Variants in TMOD1 observed in about 807,000 individuals in gnomAD.
The protein encoded by TMOD1 is tropomodulin 1.
In TMOD1, 17 loss-of-function variants were observed where a neutral mutation model predicts 40.6. The observed-to-expected ratio is 0.42, with a 90% CI of 0.29 to 0.63. The LOEUF (loss-of-function observed/expected upper bound fraction) is 0.63, where lower values mean the gene tolerates loss of function less well. Among genes scored for constraint, TMOD1 ranks in the 20% least tolerant of loss-of-function variants. TMOD1 has a pLI of 0.22. For missense variants in TMOD1, 391 were observed against 447.6 expected, an observed-to-expected ratio of 0.87 and a Z score of 1.14; for synonymous variants, 181 against 175.0, an observed-to-expected ratio of 1.03 and a Z score of -0.27.
intron 1 of TMOD1, among the ~76,000 whole-genome samples, chr9:97,509,629 G>C (rs1010150816): frequency 2.6e-5 from 4 of 151,692 alleles, no homozygotes; most frequent in Admixed American, 6.6e-5. Flanking sequence ...CCAGAAGCTG[G>C]GACCACAGGT....
At chr9:97,574,278 G>T (rs951090715) in intron 8 of TMOD1, among the ~76,000 whole-genome samples, 2 of 152,150 alleles carry the variant, frequency 1.3e-5, no homozygotes, top group African/African-American at 2.4e-5. Context: ...CGCGTGTTCC[G>T]GGTGGGCGTG....
chr9:97,528,335 G>C (rs937994329), intron 2 of TMOD1, among the ~76,000 whole-genome samples: 6 of 152,208 alleles, frequency 3.9e-5, no homozygotes, highest in African/African-American at 1.4e-4. Context: ...TTGAGCACAG[G>C]GGTGTGGGAG....
chr9:97,543,731 G>C (rs897800126), intron 2 of TMOD1, among the ~76,000 whole-genome samples: 5 of 152,220 alleles, frequency 3.3e-5, no homozygotes, highest in Non-Finnish European at 5.9e-5. Flanking sequence ...GCAGGGCAGT[G>C]AGGTATTGTC....
In TMOD1 at chr9:97,586,005, C is replaced by G. The variant is rs867471707; in HGVS notation, c.871-5286C>G. Among the ~76,000 whole-genome samples, 1,258 of 151,100 alleles carry G rather than the reference C, an allele frequency of 8.3e-3. 17 individuals carry two copies. Among genetic ancestry groups the G allele is most frequent in the African/African-American group, 0.029 (1,199 of 40,720 alleles). On this transcript the variant is annotated intron_variant, in intron 8 of 9. Coordinates refer to ENST00000259365, the MANE Select transcript of TMOD1 (RefSeq NM_003275.4). Reference sequence around the variant, plus strand: ...CGTCTGAAGCCTTCTTCTCTCAGCTCGTGAAAGTCATTCTCCATCCAGCTT... The same window carrying G: ...CGTCTGAAGCCTTCTTCTCTCAGCTGGTGAAAGTCATTCTCCATCCAGCTT...
At chr9:97,555,400 G>A in intron 4 of TMOD1, 1 of 1,354,196 alleles carries the variant, frequency 7.4e-7, no homozygotes, top group South Asian at 1.6e-5. Flanking sequence ...CAGCTCAAAG[G>A]GATTATCAAA....
chr9:97,559,772 T>TA (rs58522887), intron 4 of TMOD1, among the ~76,000 whole-genome samples: 96 of 36,848 alleles, frequency 2.6e-3, no homozygotes, highest in Non-Finnish European at 2.7e-3. Context: ...CTCAAAAATT[T>TA]AAAAAAAAAA....
chr9:97,554,191 C>A (rs575592725), intron 4 of TMOD1, among the ~76,000 whole-genome samples: 1 of 12,566 alleles, frequency 8.0e-5, no homozygotes, highest in African/African-American at 3.3e-4. Context: ...GGAGGGTGGG[C>A]GGGGTGGGGA....
At chr9:97,545,088 T>C (rs1444326320) in intron 2 of TMOD1, among the ~76,000 whole-genome samples, 1 of 151,880 alleles carries the variant, frequency 6.6e-6, no homozygotes, top group Non-Finnish European at 1.5e-5. Flanking sequence ...TTTTGGGTGA[T>C]GTTCTGCCCA....
In TMOD1 at chr9:97,580,331, G is replaced by C. The variant is rs560177560; in HGVS notation, c.871-10960G>C. ...GTAAGAAATAATACAGAGGAGCCGA[G>C]TGCAGTGGCTCACACCTGTAATCCC... On this transcript the variant is annotated intron_variant, in intron 8 of 9. Coordinates refer to ENST00000259365, the MANE Select transcript of TMOD1 (RefSeq NM_003275.4). Among the ~76,000 whole-genome samples, 9 of 152,334 alleles carry C rather than the reference G, an allele frequency of 5.9e-5. No homozygotes were observed. The South Asian group carries it at 1.9e-3, about 32-fold the overall frequency.
chr9:97,580,051 A>G (rs1825710016), intron 8 of TMOD1, among the ~76,000 whole-genome samples: 1 of 152,104 alleles, frequency 6.6e-6, no homozygotes, highest in African/African-American at 2.4e-5. Flanking sequence ...AAGGAAAGCA[A>G]AGAGTCATTT....
intron 2 of TMOD1, among the ~76,000 whole-genome samples, chr9:97,545,219 T>C (rs1355644318): frequency 9.2e-5 from 14 of 152,224 alleles, no homozygotes; most frequent in Admixed American, 5.2e-4. Context: ...TTGTTCTAGA[T>C]CTGTCCTGAA....
intron 1 of TMOD1, among the ~76,000 whole-genome samples, chr9:97,522,821 C>T (rs535637413): frequency 2.0e-5 from 3 of 152,244 alleles, no homozygotes; most frequent in Middle Eastern, 3.4e-3. Flanking sequence ...CCTCAGCCTC[C>T]CAAAGTGCTA....
chr9:97,508,741 G>A (rs745805998), intron 1 of TMOD1, among the ~76,000 whole-genome samples: 4 of 152,176 alleles, frequency 2.6e-5, no homozygotes, highest in South Asian at 2.1e-4. Context: ...GTTAAACAGG[G>A]TCCCCCCCAA....
chr9:97,568,373 A>G (rs1056993913), intron 7 of TMOD1, among the ~76,000 whole-genome samples: 1 of 152,250 alleles, frequency 6.6e-6, no homozygotes, highest in Non-Finnish European at 1.5e-5. Flanking sequence ...GAACAGAGGA[A>G]TCCAAGGTCC....
rs1396482975 is a variant in TMOD1, at chr9:97,562,706, C to T, written c.398-26C>T. The T allele has an allele frequency of 8.6e-6, 13 of 1,504,420 alleles. No homozygotes were observed. In the Admixed American group the frequency reaches 1.0e-4, roughly 12 times the overall value. 93.2% of individuals were successfully genotyped at this position (1,504,420 alleles called of 1,614,324 possible). On this transcript the variant is annotated intron_variant, in intron 4 of 9. Transcript: ENST00000259365. ...GGCTCTTCTGTCTGCAGAGGCACAT[C>T]ATGAGCCCTTCCCTTGTCCCTGCAG...
intron 2 of TMOD1, among the ~76,000 whole-genome samples, chr9:97,544,255 A>G (rs1330522615): frequency 6.6e-6 from 1 of 152,168 alleles, no homozygotes; most frequent in Non-Finnish European, 1.5e-5. Flanking sequence ...TGCATTAGTT[A>G]GGCCAGATGT....
intron 6 of TMOD1, among the ~76,000 whole-genome samples, chr9:97,565,180 C>A (rs954867372): frequency 6.6e-6 from 1 of 152,236 alleles, no homozygotes; most frequent in Non-Finnish European, 1.5e-5. Context: ...GAGGCCCCAG[C>A]CTCCTCTGGG....
intron 8 of TMOD1, among the ~76,000 whole-genome samples, chr9:97,588,035 C>T (rs1007046610): frequency 5.9e-5 from 9 of 152,190 alleles, no homozygotes; most frequent in African/African-American, 2.2e-4. Flanking sequence ...CTTCTTTTGG[C>T]TATTCTGAAT....
chr9:97,530,489 GTTT>G (rs1339339559), intron 2 of TMOD1, among the ~76,000 whole-genome samples: 3 of 139,986 alleles, frequency 2.1e-5, no homozygotes, highest in African/African-American at 2.6e-5. Flanking sequence ...CTACTGAGGA[GTTT>G]TTTTTTTTTT....
Sources: gnomAD v4.1 joint callset for allele counts (sites outside exome capture counted in the v4.1 genomes callset) on GRCh38, gnomAD v4.1.1 for gene constraint, MANE v1.5 for transcripts, NCBI Gene and HGNC (gene_info 2026-07-23, HGNC 2026-07-21) for gene names.